INPP4B: variants seen among roughly 807,000 people sequenced by gnomAD.
The protein encoded by INPP4B is inositol polyphosphate-4-phosphatase type II B.
In INPP4B, 55 loss-of-function variants were observed where a neutral mutation model predicts 122.5. The ratio of observed to expected loss-of-function variants is 0.45; its 90% CI spans 0.36 to 0.56. The LOEUF is 0.56. INPP4B is among the 20% of genes least tolerant of loss of function. INPP4B has a pLI of 0.00. For missense variants in INPP4B, 1,000 were observed against 1,097.7 expected (o/e 0.91, Z 1.26); for synonymous variants, 403 against 388.7 (o/e 1.04, Z -0.43).
chr4:142,130,471 TA>T (rs1800724626), intron 18 of INPP4B, among the ~76,000 whole-genome samples: 1 of 151,800 alleles, frequency 6.6e-6, no homozygotes, highest in Admixed American at 6.6e-5. Flanking sequence ...TGGAGGTCGA[TA>T]GGGGTGGGGA....
chr4:142,291,401 A>C (rs1756415343), intron 9 of INPP4B, among the ~76,000 whole-genome samples: 1 of 152,168 alleles, frequency 6.6e-6, no homozygotes. Flanking sequence ...ATGTGATGTG[A>C]CTTAGTTTCC....
intron 7 of INPP4B, among the ~76,000 whole-genome samples, chr4:142,380,367 A>G (rs1210991126): frequency 6.6e-6 from 1 of 152,034 alleles, no homozygotes; most frequent in African/African-American, 2.4e-5. Context: ...TTCATTCTCT[A>G]CAGACGTTGA....
chr4:142,218,513 G>A (rs1848205558), intron 12 of INPP4B, among the ~76,000 whole-genome samples: 2 of 152,144 alleles, frequency 1.3e-5, no homozygotes, highest in Non-Finnish European at 2.9e-5. Flanking sequence ...TTACGGAAAA[G>A]TCGTAAGACA....
intron 10 of INPP4B, among the ~76,000 whole-genome samples, chr4:142,268,342 A>AAAAAAAAAAAAG (rs1743976679): frequency 6.9e-6 from 1 of 144,516 alleles, no homozygotes; most frequent in African/African-American, 2.5e-5. Context: ...AAAAAAAAAA[A>AAAAAAAAAAAAG]AAAATGAGGG....
At chr4:142,734,278 C>A (rs766140807) in intron 1 of INPP4B, among the ~76,000 whole-genome samples, 8 of 152,146 alleles carry the variant, frequency 5.3e-5, no homozygotes, top group African/African-American at 1.9e-4. Context: ...CTGCTGGCAC[C>A]TTAACCTTGG....
chr4:142,174,527 C>T (rs1335162010), intron 15 of INPP4B, among the ~76,000 whole-genome samples: 2 of 152,074 alleles, frequency 1.3e-5, no homozygotes, highest in East Asian at 1.9e-4. Context: ...TAGCAGAATG[C>T]TATTTCATAG....
intron 5 of INPP4B, among the ~76,000 whole-genome samples, chr4:142,413,153 T>C (rs1273086941): frequency 6.6e-6 from 1 of 152,158 alleles, no homozygotes; most frequent in East Asian, 1.9e-4. Context: ...CATTAAAAAA[T>C]TAGAAAATGT....
At chr4:142,639,539 C>T (rs988938698) in intron 2 of INPP4B, among the ~76,000 whole-genome samples, 3 of 152,016 alleles carry the variant, frequency 2.0e-5, no homozygotes, top group Non-Finnish European at 2.9e-5. Flanking sequence ...ATTAAAATAC[C>T]TATATCCAAA....
intron 1 of INPP4B, among the ~76,000 whole-genome samples, chr4:142,777,526 C>T (rs913099894): frequency 1.3e-5 from 2 of 152,146 alleles, no homozygotes; most frequent in African/African-American, 4.8e-5. Flanking sequence ...ACCTTGATTG[C>T]AGCCTACTGA....
At chr4:142,546,418 G>T (rs2150057565) in intron 2 of INPP4B, among the ~76,000 whole-genome samples, 1 of 152,152 alleles carries the variant, frequency 6.6e-6, no homozygotes, top group Middle Eastern at 3.4e-3. Context: ...GCCTTATCTA[G>T]AAATTGTATA....
chr4:142,208,582 G>A (rs1219258469), intron 13 of INPP4B, 53 bp from the exon 14 acceptor site: 2 of 965,604 alleles, frequency 2.1e-6, no homozygotes, highest in East Asian at 2.7e-5. Flanking sequence ...AAATTAATAT[G>A]TGTGTTAAAA....
chr4:142,253,625 C>A (rs924859521), intron 11 of INPP4B, among the ~76,000 whole-genome samples: 7 of 152,202 alleles, frequency 4.6e-5, no homozygotes, highest in African/African-American at 1.7e-4. Context: ...TCAATCCCAC[C>A]CGAATACTGT....
chr4:142,245,766 ATG>A lies in INPP4B; in HGVS notation c.689-7757_689-7756del, dbSNP rs1237724859. Among the ~76,000 whole-genome samples, 107 of 141,652 alleles carry A rather than the reference ATG, an allele frequency of 7.6e-4. 4 individuals carry two copies. Among genetic ancestry groups the A allele is most frequent in the African/African-American group, 1.6e-3 (53 of 32,966 alleles). The allele number at this position is 141,652 out of a possible 152,430, so 92.9% of individuals were successfully genotyped here. The stretch of plus-strand genomic sequence containing the variant: ...CTCTATTCTGTTCATATATATGTAT[ATG>A]TGTGTATATATATATGTGTGTATGT... On this transcript the variant is annotated intron_variant, in intron 11 of 25. Transcript: ENST00000262992.
At chr4:142,523,947 G>A (rs1329640233) in intron 2 of INPP4B, among the ~76,000 whole-genome samples, 2 of 147,460 alleles carry the variant, frequency 1.4e-5, no homozygotes, top group East Asian at 2.0e-4. Context: ...TGAGAATGAT[G>A]ATTTCCAATT....
At chr4:142,319,822 T>C (rs184134048) in intron 7 of INPP4B, among the ~76,000 whole-genome samples, 2 of 152,332 alleles carry the variant, frequency 1.3e-5, no homozygotes, top group Admixed American at 1.3e-4. Flanking sequence ...TTGTGTTAGC[T>C]TTCTACTGGT....
At chr4:142,339,456 T>C (rs115123470) in intron 7 of INPP4B, among the ~76,000 whole-genome samples, 1,527 of 152,276 alleles carry the variant, frequency 0.01, 34 homozygotes, top group African/African-American at 0.035. Flanking sequence ...ATAAAAATTA[T>C]GTTGGGCCCT....
intron 2 of INPP4B, among the ~76,000 whole-genome samples, chr4:142,553,133 T>C (rs1256478581): frequency 6.6e-6 from 1 of 152,204 alleles, no homozygotes; most frequent in Admixed American, 6.5e-5. Flanking sequence ...CTCAGCTTTT[T>C]TTTAGTACTA....
At chr4:142,684,678 C>T (rs748185671) in intron 2 of INPP4B, among the ~76,000 whole-genome samples, 27 of 152,090 alleles carry the variant, frequency 1.8e-4, no homozygotes, top group Middle Eastern at 3.4e-3. Flanking sequence ...TATTTAATTG[C>T]ATTTTCCTGA....
chr4:142,497,189 C>A (rs1822695626), intron 2 of INPP4B, among the ~76,000 whole-genome samples: 1 of 152,040 alleles, frequency 6.6e-6, no homozygotes, highest in Non-Finnish European at 1.5e-5. Context: ...TTACCTGACA[C>A]TTTATTAGCC....
Sources: gnomAD v4.1 joint callset for allele counts (sites outside exome capture counted in the v4.1 genomes callset) on GRCh38, gnomAD v4.1.1 for gene constraint, MANE v1.5 for transcripts, NCBI Gene and HGNC (gene_info 2026-07-23, HGNC 2026-07-21) for gene names.